The following RSRP1 variants were observed in gnomAD, a reference collection of about 807,000 sequenced individuals.
The protein encoded by RSRP1 is arginine and serine rich protein 1.
A neutral mutation model predicts 33.0 loss-of-function variants in RSRP1; 37 were observed. The ratio of observed to expected loss-of-function variants is 1.12; its 90% confidence interval spans 0.86 to 1.48. RSRP1 has a LOEUF of 1.48. RSRP1 is among the 40% of genes most tolerant of loss of function. RSRP1 has a pLI of 0.00. For missense variants in RSRP1, 402 were observed against 385.3 expected, an observed-to-expected ratio of 1.04 and a Z score of -0.36; for synonymous variants, 167 against 158.7, an observed-to-expected ratio of 1.05 and a Z score of -0.40.
At chr1:25,265,441 T>G (rs553053716) in intron 1 of RSRP1, among the ~76,000 whole-genome samples, 1 of 102,208 alleles carries the variant, frequency 9.8e-6, no homozygotes, top group South Asian at 3.0e-4. Context: ...TGTTTTACGA[T>G]AGTAGGCCCA....
At chr1:25,321,509 A>AG (rs1228401383) in intron 1 of RSRP1, among the ~76,000 whole-genome samples, 1 of 120,886 alleles carries the variant, frequency 8.3e-6, no homozygotes, top group African/African-American at 2.8e-5. Flanking sequence ...AAAAAAAAAA[A>AG]AAAAAAAAAA....
At chr1:25,285,671 G>A (rs1330139374) in intron 1 of RSRP1, among the ~76,000 whole-genome samples, 5 of 135,304 alleles carry the variant, frequency 3.7e-5, no homozygotes, top group African/African-American at 7.6e-5. Flanking sequence ...TGCAGAAAAT[G>A]TTCTCTATGT....
chr1:25,245,566 T>G (rs1461492477), intron 2 of RSRP1, among the ~76,000 whole-genome samples: 1 of 151,974 alleles, frequency 6.6e-6, no homozygotes, highest in Non-Finnish European at 1.5e-5. Context: ...TGCGCGAGGG[T>G]TCCATATGCA....
upstream of RSRP1, among the ~76,000 whole-genome samples, chr1:25,247,683 TC>T (rs1639598765): frequency 6.6e-6 from 1 of 152,118 alleles, no homozygotes. Context: ...GCCCTTGGCT[TC>T]CCCCCTGATC....
chr1:25,308,429 G>C (rs971863486), intron 1 of RSRP1, among the ~76,000 whole-genome samples: 3 of 126,418 alleles, frequency 2.4e-5, no homozygotes, highest in African/African-American at 8.2e-5. Context: ...TCTCTTGCAA[G>C]CTCAAGTTTT....
chr1:25,275,103 A>C (rs1319485906), intron 1 of RSRP1, among the ~76,000 whole-genome samples: 1 of 132,324 alleles, frequency 7.6e-6, no homozygotes, highest in African/African-American at 2.6e-5. Flanking sequence ...CAGCCTGGCC[A>C]ACATGGTAAA....
rs1344731912 is a variant in RSRP1 at position 25,284,272 on chromosome 1, G to C, written c.-66-37243C>G. Among the ~76,000 whole-genome samples the C allele has an allele frequency of 2.9e-5, 4 of 135,852 alleles. 1 individual carries two copies. The highest frequency in any genetic ancestry group is 5.3e-5 in the Non-Finnish European group (3 of 57,092). The allele number at this position is 135,852 out of a possible 152,430, so 89.1% of individuals were successfully genotyped here. ...TGCTTTACACTTGTTCTTATTATTAGGTTTAATAATAGAATAATTGCCACA... is the reference window on the plus strand; with the variant it reads ...TGCTTTACACTTGTTCTTATTATTACGTTTAATAATAGAATAATTGCCACA... On this transcript the variant is annotated intron_variant, in intron 1 of 1. Coordinates refer to the RSRP1 transcript ENST00000561867.
chr1:25,336,887 A>ATC, intron 1 of RSRP1, among the ~76,000 whole-genome samples: 2 of 152,032 alleles, frequency 1.3e-5, no homozygotes, highest in East Asian at 3.9e-4. Context: ...CGGCTAATGC[A>ATC]CCGCCAAAAA....
rs548217547 is a variant in RSRP1 at position 25,314,291 on chromosome 1, G to T, written c.-67+23687C>A. On this transcript the variant is annotated intron_variant, in intron 1 of 1. Coordinates refer to the RSRP1 transcript ENST00000561867. ...TAGTCATTTAGCAATCAAACCTATT[G>T]TTTACATTTTGATATCTCCAATAAC... 1.2e-4 allele frequency among the ~76,000 whole-genome samples: 16 copies of T among 132,406 alleles called. 1 individual carries two copies. The East Asian group carries it at 2.1e-3, about 18-fold the overall frequency. 86.9% of individuals were successfully genotyped at this position (132,406 alleles called of 152,430 possible).
chr1:25,316,704 T>C lies in RSRP1; in HGVS notation c.-67+21274A>G, dbSNP rs577539432. ...TGCCCAGGGTCTTGCAGCTAGTAAG[T>C]GACAGAGCTGGGACTTGAGCTTGGG... is the stretch of plus-strand genomic sequence containing the variant. On this transcript the variant is annotated intron_variant, in intron 1 of 1. Transcript: ENST00000561867. 2.7e-4 allele frequency among the ~76,000 whole-genome samples: 33 copies of C among 122,450 alleles called. 4 individuals are homozygous for C. The highest frequency in any genetic ancestry group is 6.8e-4 in the African/African-American group (25 of 36,802). 80.3% of individuals were successfully genotyped at this position (122,450 alleles called of 152,430 possible).
intron 1 of RSRP1, among the ~76,000 whole-genome samples, chr1:25,254,837 T>C (rs1639899330): frequency 6.6e-6 from 1 of 152,152 alleles, no homozygotes. Flanking sequence ...TCAATATTAT[T>C]CTTGATAAGT....
chr1:25,276,453 G>C lies in RSRP1; in HGVS notation c.-66-29424C>G, dbSNP rs1217579108. On this transcript the variant is annotated intron_variant, in intron 1 of 1. Coordinates refer to the RSRP1 transcript ENST00000561867. ...AAAACACCCTGGCTGAGCATTTAGGGAGGCCAAGTGGGGAGGATCGCTTAA... is the reference window on the plus strand; with the variant it reads ...AAAACACCCTGGCTGAGCATTTAGGCAGGCCAAGTGGGGAGGATCGCTTAA... Among the ~76,000 whole-genome samples, 3 of 119,692 alleles carry C rather than the reference G, an allele frequency of 2.5e-5. No individual in the cohort carries two copies. In the East Asian group the frequency reaches 6.1e-4, roughly 24 times the overall value. The allele number at this position is 119,692 out of a possible 152,430, so 78.5% of individuals were successfully genotyped here. A position where few individuals can be genotyped will look rare whatever the true frequency, so the allele number is the denominator to read the frequency against.
intron 2 of RSRP1, among the ~76,000 whole-genome samples, chr1:25,245,824 T>G (rs10159215): frequency 0.081 from 12,311 of 152,154 alleles, 1,667 homozygotes; most frequent in African/African-American, 0.28. Context: ...GAAAACCAGG[T>G]TTTTCTGCTG....
chr1:25,316,618 GAAA>G (rs1171433774), intron 1 of RSRP1, among the ~76,000 whole-genome samples: 78 of 40,598 alleles, frequency 1.9e-3, no homozygotes, highest in Admixed American at 4.0e-3. Flanking sequence ...AACAAAAACA[GAAA>G]AAAAAAAAAA....
chr1:25,246,939 A>C lies in RSRP1; in HGVS notation c.25T>G (p.Trp9Gly). 1 of 1,587,188 alleles carries C rather than the reference A, an allele frequency of 6.3e-7. No individual in the cohort carries two copies. Among genetic ancestry groups the C allele is most frequent in the Non-Finnish European group, 8.6e-7 (1 of 1,163,434 alleles). Reference sequence around the variant, plus strand: ...TCCTTCTCCTGCGGCGAGCCCGGCCACATGTCGTTCACGTAGTTGGACATC... The same window carrying C: ...TCCTTCTCCTGCGGCGAGCCCGGCCCCATGTCGTTCACGTAGTTGGACATC... MSNYVNDM[W>G]PGSPQEKDSP... The change falls in exon 2 of 5, where the codon TGG (tryptophan) becomes GGG (glycine). Residue 9 changes from tryptophan (W) to glycine (G), a missense_variant. Trp to Gly is a radical substitution (Grantham distance 184, BLOSUM62 -2). Transcript: ENST00000243189.
At chr1:25,336,904 A>G (rs1645086721) in intron 1 of RSRP1, 1 of 151,972 alleles carries the variant, frequency 6.6e-6, no homozygotes, top group Non-Finnish European at 1.5e-5. Context: ...AAAACAAACA[A>G]AAAAACCCAA....
intron 1 of RSRP1, among the ~76,000 whole-genome samples, chr1:25,315,715 C>T: frequency 7.7e-6 from 1 of 129,534 alleles, no homozygotes; most frequent in East Asian, 2.0e-4. Flanking sequence ...CCAGGATGGT[C>T]TCCATCTCCT....
intron 1 of RSRP1, among the ~76,000 whole-genome samples, chr1:25,273,182 C>A (rs1466093654): frequency 7.7e-6 from 1 of 130,018 alleles, no homozygotes; most frequent in African/African-American, 2.6e-5. Flanking sequence ...GTTGCCCAGG[C>A]TGAAGTGCAG....
In RSRP1 at chr1:25,290,122, CG is replaced by C. The variant is rs1451251928; in HGVS notation, c.-66-43094del. 1.6e-5 allele frequency among the ~76,000 whole-genome samples: 2 copies of C among 128,082 alleles called. 1 individual carries two copies. The highest frequency in any genetic ancestry group is 3.7e-5 in the Non-Finnish European group (2 of 54,596). The allele number at this position is 128,082 out of a possible 152,430, so 84.0% of individuals were successfully genotyped here. A position where few individuals can be genotyped will look rare whatever the true frequency, so the allele number is the denominator to read the frequency against. ...CAGTGGCAAGGCTGGGACTGGAAGC[CG>C]GGCTTGTCCTGATTCCAAATCCAGT... On this transcript the variant is annotated intron_variant, in intron 1 of 1. Transcript: ENST00000561867.
Sources: allele counts gnomAD v4.1 joint callset (sites outside exome capture counted in the v4.1 genomes callset), GRCh38; gene constraint gnomAD v4.1.1; transcripts MANE v1.5; gene names NCBI Gene and HGNC (gene_info 2026-07-23, HGNC 2026-07-21).